Variants in NIPSNAP1 observed in about 807,000 individuals in gnomAD.
NIPSNAP1 encodes protein NipSnap homolog 1.
A neutral mutation model predicts 49.2 loss-of-function variants in NIPSNAP1; 25 were observed. The observed-to-expected ratio is 0.51, with a 90% CI of 0.37 to 0.71. The LOEUF is 0.71. NIPSNAP1 is among the 30% of genes least tolerant of loss of function. NIPSNAP1 has a pLI of 0.00. For synonymous variants in NIPSNAP1, 143 were observed against 140.7 expected, an observed-to-expected ratio of 1.02 and a Z score of -0.12; for missense variants, 294 against 361.0, an observed-to-expected ratio of 0.81 and a Z score of 1.50.
At chr22:29,572,095 G>C (rs1304421365) in intron 1 of NIPSNAP1, among the ~76,000 whole-genome samples, 1 of 152,050 alleles carries the variant, frequency 6.6e-6, no homozygotes, top group Non-Finnish European at 1.5e-5. Context: ...CTGAGGTCAG[G>C]AGTTCGAGAC....
chr22:29,579,710 G>A (rs2064483376), intron 1 of NIPSNAP1: 1 of 199,276 alleles, frequency 5.0e-6, no homozygotes, highest in Non-Finnish European at 1.1e-5. Flanking sequence ...TTACAGGCAT[G>A]AGCCACCATA....
At chr22:29,570,056 C>T in intron 3 of NIPSNAP1, 106 bp downstream of exon 3, 1 of 893,666 alleles carries the variant, frequency 1.1e-6, no homozygotes, top group East Asian at 2.4e-5. Context: ...TCTACATCTC[C>T]TGGATTTCTA....
At chr22:29,569,855 G>A (rs1297359360) in intron 3 of NIPSNAP1, 10 of 418,778 alleles carry the variant, frequency 2.4e-5, no homozygotes, top group East Asian at 1.1e-4. Flanking sequence ...CATGCTTAGC[G>A]GCGCATGCCT....
At chr22:29,557,848 T>A (rs933702088) in intron 9 of NIPSNAP1, among the ~76,000 whole-genome samples, 1 of 152,170 alleles carries the variant, frequency 6.6e-6, no homozygotes, top group Non-Finnish European at 1.5e-5. Flanking sequence ...CTCTTGTTCA[T>A]TTATGTGCCC....
At chr22:29,566,154 TTTC>T (rs1165285265) in intron 4 of NIPSNAP1, among the ~76,000 whole-genome samples, 1 of 62,836 alleles carries the variant, frequency 1.6e-5, no homozygotes, top group Non-Finnish European at 3.2e-5. Context: ...TTTAAAATCT[TTTC>T]TTCTTTTTTT....
At chr22:29,560,645 T>C in intron 8 of NIPSNAP1, 89 bp downstream of exon 8, 1 of 988,046 alleles carries the variant, frequency 1.0e-6, no homozygotes, top group Admixed American at 1.7e-5. Context: ...TTAAGTTCTA[T>C]GAGGACACTA....
intron 4 of NIPSNAP1, among the ~76,000 whole-genome samples, chr22:29,568,598 G>C (rs1486443389): frequency 6.6e-6 from 1 of 151,986 alleles, no homozygotes; most frequent in Non-Finnish European, 1.5e-5. Flanking sequence ...TTCAAGACCA[G>C]CCTGACCAAC....
rs1167238986 is a variant in NIPSNAP1 at position 29,581,063 on chromosome 22, C to T, written c.20G>A (p.Ser7Asn). Reference sequence around the variant, plus strand: ...CAGCCGCCGCGCCGTCACAGAGATGCTGCACAGCCGCGGAGCCATGTTGGA... The same window carrying T: ...CAGCCGCCGCGCCGTCACAGAGATGTTGCACAGCCGCGGAGCCATGTTGGA... Reference protein sequence around the residue: MAPRLCSISVTARRLLG... With the variant: MAPRLCNISVTARRLLG... The change falls in exon 1 of 10, where the codon AGC (serine) becomes AAC (asparagine). Residue 7 changes from serine (S) to asparagine (N), a missense_variant. Transcript: ENST00000216121. 15 of 1,541,704 alleles carry T rather than the reference C, an allele frequency of 9.7e-6. No homozygotes were observed. The highest frequency in any genetic ancestry group is 8.7e-6 in the Non-Finnish European group (10 of 1,146,092).
At chr22:29,577,035 T>G (rs2064457977) in intron 1 of NIPSNAP1, among the ~76,000 whole-genome samples, 1 of 151,326 alleles carries the variant, frequency 6.6e-6, no homozygotes, top group Admixed American at 6.6e-5. Flanking sequence ...GCACAAGCTC[T>G]GGACAAATCC....
chr22:29,561,319 T>G, intron 6 of NIPSNAP1, 117 bp from the exon 7 acceptor site: 1 of 1,469,084 alleles, frequency 6.8e-7, no homozygotes, highest in South Asian at 1.1e-5. Flanking sequence ...GCAGCGGCCA[T>G]TTGGCCTCAT....
At chr22:29,569,033 G>C (rs939428244) in intron 4 of NIPSNAP1, among the ~76,000 whole-genome samples, 160 bp downstream of exon 4, 1 of 152,130 alleles carries the variant, frequency 6.6e-6, no homozygotes, top group Non-Finnish European at 1.5e-5. Flanking sequence ...GCACAGGGGA[G>C]CCAGGACAGG....
rs1363377311 is a variant in NIPSNAP1, at chr22:29,575,372, CCCA to C, written c.99-4843_99-4841del. Reference sequence around the variant, plus strand: ...CTTCCTGCCTGTGGGCCTCAGTTTCCCCATCTGTCAAATGAGCAGGGTGGTGGA... The same window carrying C: ...CTTCCTGCCTGTGGGCCTCAGTTTCCTCTGTCAAATGAGCAGGGTGGTGGA... On this transcript the variant is annotated intron_variant, in intron 1 of 9. Transcript: ENST00000216121. Among the ~76,000 whole-genome samples, 5 of 152,224 alleles carry C rather than the reference CCCA, an allele frequency of 3.3e-5. No homozygotes were observed. In the East Asian group the frequency reaches 9.7e-4, roughly 29 times the overall value.
chr22:29,578,369 G>A (rs978541045), intron 1 of NIPSNAP1, among the ~76,000 whole-genome samples: 10 of 150,732 alleles, frequency 6.6e-5, no homozygotes, highest in Admixed American at 6.6e-5. Flanking sequence ...ACAGGATCTC[G>A]CCATGTTGCC....
In NIPSNAP1 at chr22:29,580,151, G is replaced by A. The variant is rs779731043; in HGVS notation, c.98+834C>T. ...CACAGTCCTGAGCCCTCTGAGGGTG[G>A]GAGGCTGGGGAAACAGAGAAAAATG... is the stretch of plus-strand genomic sequence containing the variant. On this transcript the variant is annotated intron_variant, in intron 1 of 9. Coordinates refer to ENST00000216121, the MANE Select transcript of NIPSNAP1 (RefSeq NM_003634.4). 145 of 1,304,018 alleles carry A rather than the reference G, an allele frequency of 1.1e-4. 2 individuals are homozygous for A. The highest frequency in any genetic ancestry group is 1.1e-4 in the Non-Finnish European group (112 of 988,970). The allele number at this position is 1,304,018 out of a possible 1,614,324, so 80.8% of individuals were successfully genotyped here.
In NIPSNAP1 at chr22:29,579,704, A is replaced by G. The variant is rs1165718229; in HGVS notation, c.98+1281T>C. 6.1e-5 allele frequency: 12 copies of G among 196,198 alleles called. No individual in the cohort carries two copies. In the East Asian group the frequency reaches 1.4e-3, roughly 23 times the overall value. 12.2% of individuals were successfully genotyped at this position (196,198 alleles called of 1,614,324 possible). On this transcript the variant is annotated intron_variant, in intron 1 of 9. Transcript: ENST00000216121. The stretch of plus-strand genomic sequence containing the variant: ...CGGCCTCCCAAAGTGCTGGGATTAC[A>G]GGCATGAGCCACCATACCCGACCAA...
At position 29,561,151 on chromosome 22, in the gene NIPSNAP1, G is replaced by T. The variant is rs5997494; in HGVS notation, c.611+20C>A. On this transcript the variant is annotated intron_variant, in intron 7 of 9. Coordinates refer to ENST00000216121, the MANE Select transcript of NIPSNAP1 (RefSeq NM_003634.4). ...GCAGGGTACGCCTCCCCCAACCCCA[G>T]TCTTGGTGCTGCCACTTACCAGTTG... 34 of 1,609,160 alleles carry T rather than the reference G, an allele frequency of 2.1e-5. No homozygotes were observed. Among genetic ancestry groups the T allele is most frequent in the Non-Finnish European group, 2.7e-5 (32 of 1,176,886 alleles).
At position 29,576,395 on chromosome 22, in the gene NIPSNAP1, A is replaced by C. The variant is rs369396424; in HGVS notation, c.98+4590T>G. Reference sequence around the variant, plus strand: ...TACTAAAAATTAAAAACAAAAAAAAACACTATACTTTTTGGCTTATTATGT... The same window carrying C: ...TACTAAAAATTAAAAACAAAAAAAACCACTATACTTTTTGGCTTATTATGT... On this transcript the variant is annotated intron_variant, in intron 1 of 9. Coordinates refer to ENST00000216121, the MANE Select transcript of NIPSNAP1 (RefSeq NM_003634.4). 1.8e-3 allele frequency among the ~76,000 whole-genome samples: 274 copies of C among 151,108 alleles called. 21 individuals are homozygous for C. Among genetic ancestry groups the C allele is most frequent in the African/African-American group, 6.2e-3 (251 of 40,600 alleles).
chr22:29,572,777 C>A (rs2064419482), intron 1 of NIPSNAP1, among the ~76,000 whole-genome samples: 1 of 151,542 alleles, frequency 6.6e-6, no homozygotes, highest in South Asian at 2.1e-4. Context: ...CCAGCTTGGG[C>A]AACAGAGTGA....
chr22:29,558,804 C>T, intron 9 of NIPSNAP1, 66 bp downstream of exon 9: 2 of 1,177,440 alleles, frequency 1.7e-6, no homozygotes, highest in Non-Finnish European at 2.6e-6. Context: ...GACTAGATCT[C>T]CTTGCAGAGA....
Sources: allele counts gnomAD v4.1 joint callset (sites outside exome capture counted in the v4.1 genomes callset), GRCh38; gene constraint gnomAD v4.1.1; transcripts MANE v1.5; gene names NCBI Gene and HGNC (gene_info 2026-07-23, HGNC 2026-07-21).